The following COL22A1 variants were observed in gnomAD, a reference collection of about 807,000 sequenced individuals.
COL22A1 encodes collagen alpha-1(XXII) chain.
In COL22A1, 221 loss-of-function variants were observed where a neutral mutation model predicts 248.9. The ratio of observed to expected loss-of-function variants is 0.89; its 90% CI spans 0.80 to 0.99. The LOEUF (loss-of-function observed/expected upper bound fraction) is 0.99. Ranked by LOEUF, COL22A1 falls within the 50% of genes least tolerant of loss-of-function variation. The pLI is 0.00. For missense variants in COL22A1, 2,240 were observed against 2,179.0 expected (o/e 1.03, Z -0.56); for synonymous variants, 891 against 793.4 (o/e 1.12, Z -2.07).
At chr8:138,874,670 CCATTCT>C (rs1823577994) in intron 3 of COL22A1, among the ~76,000 whole-genome samples, 1 of 152,206 alleles carries the variant, frequency 6.6e-6, no homozygotes, top group South Asian at 2.1e-4. Flanking sequence ...CCTCCCATGT[CCATTCT>C]CTGCCTCTGC....
chr8:138,745,215 G>A (rs1318390194), intron 22 of COL22A1, among the ~76,000 whole-genome samples: 2 of 150,390 alleles, frequency 1.3e-5, no homozygotes, highest in African/African-American at 4.9e-5. Flanking sequence ...ATCTTCCAGA[G>A]AAGATGAAAG....
intron 3 of COL22A1, among the ~76,000 whole-genome samples, chr8:138,874,086 C>T (rs1823537298): frequency 6.6e-6 from 1 of 152,174 alleles, no homozygotes. Context: ...CAATATGTTA[C>T]TATTAGCTCT....
Position 138,811,794 on chromosome 8 carries a change from A to G in COL22A1, c.1449+5T>C, listed in dbSNP as rs1353621931. ...CTGGGGCTGAAGGTGGACTGCAGAC[A>G]ATACCTTCTCTCCAGCTGGGCAGGA... On this transcript the variant is annotated splice_donor_5th_base_variant and intron_variant, in intron 9 of 64. Coordinates refer to ENST00000303045, the MANE Select transcript of COL22A1 (RefSeq NM_152888.3). 1 of 1,611,396 alleles carries G rather than the reference A, an allele frequency of 6.2e-7. No homozygotes were observed. Among genetic ancestry groups the G allele is most frequent in the African/African-American group, 1.3e-5 (1 of 74,830 alleles).
chr8:138,760,354 G>A, intron 17 of COL22A1, 67 bp from the exon 18 acceptor site: 1 of 1,437,018 alleles, frequency 7.0e-7, no homozygotes, highest in Non-Finnish European at 9.5e-7. Context: ...GTGTTGGGGA[G>A]AAACAGGTTG....
chr8:138,639,543 C>T (rs1306119844), intron 47 of COL22A1, among the ~76,000 whole-genome samples: 1 of 152,182 alleles, frequency 6.6e-6, no homozygotes, highest in Non-Finnish European at 1.5e-5. Flanking sequence ...ATTAAAGAGT[C>T]ATTTCAAGGG....
At chr8:138,720,177 G>T (rs765212468) in intron 27 of COL22A1, among the ~76,000 whole-genome samples, 22 of 152,070 alleles carry the variant, frequency 1.4e-4, no homozygotes, top group African/African-American at 2.4e-5. Flanking sequence ...TCCCCCTCAG[G>T]TCCATTTTTC....
intron 9 of COL22A1, among the ~76,000 whole-genome samples, chr8:138,809,528 C>CTTTTTCTTTTTTTTTTTTTTTTTTTTTT (rs1554633655): frequency 8.5e-6 from 1 of 117,630 alleles, no homozygotes; most frequent in African/African-American, 3.3e-5. Context: ...TTTTCTTTTT[C>CTTTTTCTTTTTTTTTTTTTTTTTTTTTT]TTTTTTTTTT....
At chr8:138,725,861 A>C (rs1363289641) in intron 23 of COL22A1, among the ~76,000 whole-genome samples, 1 of 152,052 alleles carries the variant, frequency 6.6e-6, no homozygotes, top group Non-Finnish European at 1.5e-5. Flanking sequence ...GTCATTGAGC[A>C]GGGCTGGCGC....
intron 45 of COL22A1, among the ~76,000 whole-genome samples, chr8:138,655,538 A>AT (rs1054707964): frequency 2.0e-5 from 3 of 151,760 alleles, no homozygotes; most frequent in African/African-American, 4.8e-5. Flanking sequence ...TTTAAAAAAC[A>AT]TTTTTTTTGG....
chr8:138,620,393 A>G (rs575184806), intron 52 of COL22A1: 1 of 151,624 alleles, frequency 6.6e-6, no homozygotes, highest in East Asian at 1.9e-4. Context: ...GAGAGAAAGG[A>G]ACATCCTTGG....
At chr8:138,768,654 A>C (rs570214539) in intron 16 of COL22A1, among the ~76,000 whole-genome samples, 239 of 152,288 alleles carry the variant, frequency 1.6e-3, no homozygotes, top group Non-Finnish European at 2.1e-3. Flanking sequence ...GAACGCCATT[A>C]TGGCCAGGTA....
intron 9 of COL22A1, among the ~76,000 whole-genome samples, chr8:138,808,171 C>T (rs900636382): frequency 1.3e-4 from 20 of 152,028 alleles, no homozygotes; most frequent in Non-Finnish European, 1.8e-4. Flanking sequence ...GGCTATGGAG[C>T]GGGAGGAATA....
chr8:138,780,158 C>T (rs1258677956), intron 13 of COL22A1, among the ~76,000 whole-genome samples: 2 of 152,158 alleles, frequency 1.3e-5, no homozygotes, highest in Admixed American at 6.5e-5. Flanking sequence ...ACTGGCGCCA[C>T]CCTGACGGTT....
chr8:138,684,127 G>A (rs1252079068), intron 39 of COL22A1, among the ~76,000 whole-genome samples: 2 of 152,038 alleles, frequency 1.3e-5, no homozygotes, highest in Admixed American at 1.3e-4. Flanking sequence ...AGTCGGGCAT[G>A]GTGGTGCATC....
At position 138,767,099 on chromosome 8, in the gene COL22A1, T is replaced by G. The variant is rs543380697; in HGVS notation, c.1804-4633A>C. Among the ~76,000 whole-genome samples the G allele has an allele frequency of 2.0e-5, 3 of 152,328 alleles. No homozygotes were observed. The South Asian group carries it at 6.2e-4, about 32-fold the overall frequency. Reference sequence around the variant, plus strand: ...TCCTTAGCAGCTCTGTCACTCGGTTTCTACAAATAAGGAGCATAATATTAA... The same window carrying G: ...TCCTTAGCAGCTCTGTCACTCGGTTGCTACAAATAAGGAGCATAATATTAA... On this transcript the variant is annotated intron_variant, in intron 16 of 64. Transcript: ENST00000303045.
At chr8:138,692,921 C>T (rs1242213066) in intron 35 of COL22A1, among the ~76,000 whole-genome samples, 1 of 152,162 alleles carries the variant, frequency 6.6e-6, no homozygotes, top group East Asian at 1.9e-4. Context: ...CTGGTCATAT[C>T]AGCACCCTCT....
At chr8:138,686,662 C>T (rs1260085247) in intron 37 of COL22A1, among the ~76,000 whole-genome samples, 2 of 152,136 alleles carry the variant, frequency 1.3e-5, no homozygotes, top group Non-Finnish European at 2.9e-5. Flanking sequence ...GCCTGGGCCT[C>T]TGCTCAGCCA....
Position 138,612,935 on chromosome 8 carries a change from C to CAAA in COL22A1, c.3978+929_3978+931dup, listed in dbSNP as rs56824708. 2.6e-3 allele frequency among the ~76,000 whole-genome samples: 105 copies of CAAA among 40,916 alleles called. 2 individuals are homozygous for CAAA. Among genetic ancestry groups the CAAA allele is most frequent in the South Asian group, 9.9e-3 (5 of 504 alleles). 26.8% of individuals were successfully genotyped at this position (40,916 alleles called of 152,430 possible). On this transcript the variant is annotated intron_variant, in intron 56 of 64. Coordinates refer to ENST00000303045, the MANE Select transcript of COL22A1 (RefSeq NM_152888.3). ...TGGGTGACACAGCAGGACTCCATCT[C>CAAA]AAAAAAAAAAAAAAAAAAAAAAAAA...
At chr8:138,873,863 ATGAG>A (rs1396931162) in intron 3 of COL22A1, among the ~76,000 whole-genome samples, 2 of 152,344 alleles carry the variant, frequency 1.3e-5, no homozygotes, top group Admixed American at 6.5e-5. Flanking sequence ...TATTGAATGA[ATGAG>A]TGAGTTGGAT....
Sources: gnomAD v4.1 joint callset for allele counts (sites outside exome capture counted in the v4.1 genomes callset) on GRCh38, gnomAD v4.1.1 for gene constraint, MANE v1.5 for transcripts, NCBI Gene and HGNC (gene_info 2026-07-23, HGNC 2026-07-21) for gene names.